The following TMCO6 variants were observed in gnomAD, a reference collection of about 807,000 sequenced individuals.
TMCO6 encodes the protein transmembrane and coiled-coil domains 6, also known as transmembrane and coiled-coil domain-containing protein 6.
TMCO6 carries 47 observed loss-of-function variants against 61.8 expected under a neutral mutation model. The ratio of observed to expected loss-of-function variants is 0.76; its 90% confidence interval spans 0.60 to 0.97. TMCO6 has a LOEUF of 0.97. Among genes scored for constraint, TMCO6 ranks in the 50% least tolerant of loss-of-function variants. The pLI, the probability that TMCO6 is intolerant of heterozygous loss-of-function variation, is 0.00. For synonymous variants in TMCO6, 261 were observed against 254.2 expected, an observed-to-expected ratio of 1.03 and a Z score of -0.25; for missense variants, 557 against 601.6, an observed-to-expected ratio of 0.93 and a Z score of 0.78.
At chr5:140,645,419 G>C, downstream of TMCO6, 1 of 893,584 alleles carries the variant, frequency 1.1e-6, no homozygotes, top group Non-Finnish European at 1.8e-6. Flanking sequence ...CTTTGCCTCA[G>C]TGGTTGCACA....
chr5:140,641,456 T>G, intron 2 of TMCO6: 1 of 570,108 alleles, frequency 1.8e-6, no homozygotes, highest in Non-Finnish European at 3.2e-6. Flanking sequence ...TCAGGTCCCA[T>G]ATGGAGTAAG....
At chr5:140,604,780 CTTT>C in the TMCO6 span, among the ~76,000 whole-genome samples, 7 of 124,702 alleles carry the variant, frequency 5.6e-5, no homozygotes, top group Admixed American at 2.4e-4. Context: ...TGTCATTTCT[CTTT>C]TTTTTTTTTT....
the TMCO6 span, among the ~76,000 whole-genome samples, chr5:140,618,578 ATATT>A: frequency 6.6e-6 from 1 of 152,010 alleles, no homozygotes; most frequent in Non-Finnish European, 1.5e-5. Flanking sequence ...TTTGTTGTAC[ATATT>A]ATTACATCAC....
chr5:140,613,258 A>G, the TMCO6 span, among the ~76,000 whole-genome samples: 2 of 151,842 alleles, frequency 1.3e-5, no homozygotes, highest in East Asian at 3.9e-4. Context: ...GTGTGGTGGC[A>G]TGCACCTGTA....
the TMCO6 span, among the ~76,000 whole-genome samples, chr5:140,598,315 C>T: frequency 2.6e-5 from 4 of 151,844 alleles, no homozygotes; most frequent in South Asian, 2.1e-4. Flanking sequence ...GTGATCCTCC[C>T]GCCTCGTCCT....
the TMCO6 span, among the ~76,000 whole-genome samples, chr5:140,613,720 T>A: frequency 3.3e-5 from 5 of 152,208 alleles, no homozygotes; most frequent in African/African-American, 4.8e-5. Context: ...TATTATTATT[T>A]TTATTTTTAA....
chr5:140,643,478 T>G lies in TMCO6; in HGVS notation c.807-86T>G. 3.9e-6 allele frequency: 5 copies of G among 1,294,688 alleles called. 1 individual carries two copies. In the South Asian group the frequency reaches 6.0e-5, roughly 16 times the overall value. 80.2% of individuals were successfully genotyped at this position (1,294,688 alleles called of 1,614,324 possible). A position where few individuals can be genotyped will look rare whatever the true frequency, so the allele number is the denominator to read the frequency against. ...TCCCAAAGTGCTGGGATTACAGGCA[T>G]AAGCCACCACGCCTAGGCAACTGCT... On this transcript the variant is annotated intron_variant, in intron 7 of 11. Transcript: ENST00000394671.
At chr5:140,610,087 G>A in the TMCO6 span, among the ~76,000 whole-genome samples, 2 of 147,420 alleles carry the variant, frequency 1.4e-5, no homozygotes, top group Non-Finnish European at 3.0e-5. Flanking sequence ...AGTGGCTCAC[G>A]CCCAGAATCC....
chr5:140,629,579 C>T, the TMCO6 span, among the ~76,000 whole-genome samples: 64 of 152,152 alleles, frequency 4.2e-4, no homozygotes, highest in East Asian at 3.3e-3. Flanking sequence ...ATTATATATA[C>T]GCAAATATTC....
At chr5:140,618,148 G>A in the TMCO6 span, among the ~76,000 whole-genome samples, 2 of 152,012 alleles carry the variant, frequency 1.3e-5, no homozygotes, top group African/African-American at 2.4e-5. Context: ...AGCAAAGGTC[G>A]GGCCGCACGC....
intron 7 of TMCO6, chr5:140,643,260 G>A (rs1398730908): frequency 5.9e-6 from 4 of 675,860 alleles, no homozygotes; most frequent in African/African-American, 3.6e-5. Flanking sequence ...ACAGTGGTGC[G>A]ATCTCAGCTC....
the TMCO6 span, among the ~76,000 whole-genome samples, chr5:140,614,275 G>A: frequency 6.6e-6 from 1 of 152,076 alleles, no homozygotes; most frequent in Non-Finnish European, 1.5e-5. Context: ...TTGGGAGGTT[G>A]AGGAGGGCAT....
At chr5:140,601,059 A>G in the TMCO6 span, among the ~76,000 whole-genome samples, 4 of 152,198 alleles carry the variant, frequency 2.6e-5, no homozygotes, top group South Asian at 2.1e-4. Flanking sequence ...ACATCCGTGT[A>G]TAGGAGCTAC....
the TMCO6 span, among the ~76,000 whole-genome samples, chr5:140,619,228 C>T: frequency 6.6e-6 from 1 of 152,304 alleles, no homozygotes; most frequent in African/African-American, 2.4e-5. Flanking sequence ...AAAAAGTGCT[C>T]TACATGATGT....
chr5:140,627,129 C>T, the TMCO6 span, among the ~76,000 whole-genome samples: 1 of 151,982 alleles, frequency 6.6e-6, no homozygotes, highest in Non-Finnish European at 1.5e-5. Flanking sequence ...ATTCACTTTC[C>T]TTACGCACTT....
chr5:140,632,815 C>T, the TMCO6 span: 3 of 1,613,942 alleles, frequency 1.9e-6, no homozygotes, highest in Non-Finnish European at 2.5e-6. The surrounding 1 kb of genome is among the most constrained non-coding windows in gnomAD (Gnocchi z 6.2). Context: ...TGGATCTCCA[C>T]CTCTACTGCA....
chr5:140,639,466 T>G lies in TMCO6; in HGVS notation c.-62T>G, dbSNP rs1756870858. On this transcript the variant is annotated 5_prime_UTR_variant, in exon 1 of 12. Coordinates refer to ENST00000394671, the MANE Select transcript of TMCO6 (RefSeq NM_018502.5). ...CTGAGGCTGCGCAGTCGGTGCCATC[T>G]TCTACGCCCCTGGGAGCGTTGTGGC... 2.7e-5 allele frequency: 40 copies of G among 1,502,902 alleles called. No individual in the cohort carries two copies. The highest frequency in any genetic ancestry group is 2.1e-4 in the South Asian group (17 of 82,464). 93.1% of individuals were successfully genotyped at this position (1,502,902 alleles called of 1,614,324 possible).
chr5:140,637,505 C>T (rs1457578751), upstream of TMCO6, among the ~76,000 whole-genome samples: 1 of 152,016 alleles, frequency 6.6e-6, no homozygotes, highest in Non-Finnish European at 1.5e-5. Flanking sequence ...ATTCTAAGGC[C>T]GCCCCCCACA....
At chr5:140,620,626 A>G in the TMCO6 span, among the ~76,000 whole-genome samples, 2 of 152,294 alleles carry the variant, frequency 1.3e-5, no homozygotes, top group South Asian at 4.1e-4. Flanking sequence ...CATGTGTCAG[A>G]CCCAGGGGTA....
Sources: allele counts gnomAD v4.1 joint callset (sites outside exome capture counted in the v4.1 genomes callset), GRCh38; gene constraint gnomAD v4.1.1; non-coding constraint Gnocchi (gnomAD v3.1); transcripts MANE v1.5; gene names NCBI Gene and HGNC (gene_info 2026-07-23, HGNC 2026-07-21).